The following SFMBT2 variants were observed in gnomAD, a reference collection of about 807,000 sequenced individuals.
SFMBT2 encodes Scm like with four mbt domains 2.
In SFMBT2, 38 loss-of-function variants were observed where a neutral mutation model predicts 110.1. The ratio of observed to expected loss-of-function variants is 0.35; its 90% CI spans 0.27 to 0.45. SFMBT2 has a LOEUF of 0.45. Among genes scored for constraint, SFMBT2 ranks in the 20% least tolerant of loss-of-function variants. The pLI is 1.00. For synonymous variants in SFMBT2, 425 were observed against 425.4 expected (o/e 1.00, Z 0.01); for missense variants, 1,011 against 1,094.9 (o/e 0.92, Z 1.08).
At chr10:7,174,222 G>A (rs1837978811) in intron 17 of SFMBT2, among the ~76,000 whole-genome samples, 1 of 152,224 alleles carries the variant, frequency 6.6e-6, no homozygotes. Flanking sequence ...TCAGTGAGCA[G>A]GAATAAACTG....
At chr10:7,261,636 T>C (rs1415121875) in intron 7 of SFMBT2, among the ~76,000 whole-genome samples, 2 of 152,230 alleles carry the variant, frequency 1.3e-5, no homozygotes, top group Non-Finnish European at 2.9e-5. Flanking sequence ...CTAGAGACTT[T>C]GCAGGTCACC....
intron 4 of SFMBT2, among the ~76,000 whole-genome samples, chr10:7,331,629 G>A (rs1044747598): frequency 1.3e-5 from 2 of 151,936 alleles, no homozygotes; most frequent in Admixed American, 6.6e-5. Context: ...CTCTTCCTGC[G>A]CCCCCAACAC....
intron 4 of SFMBT2, among the ~76,000 whole-genome samples, chr10:7,317,086 G>C (rs1393187854): frequency 1.3e-5 from 2 of 152,062 alleles, no homozygotes; most frequent in Non-Finnish European, 2.9e-5. Flanking sequence ...AGTCTTTGCA[G>C]GGCTTGGAAA....
chr10:7,354,336 C>A (rs1844427850), intron 4 of SFMBT2, among the ~76,000 whole-genome samples: 1 of 152,060 alleles, frequency 6.6e-6, no homozygotes, highest in African/African-American at 2.4e-5. Context: ...TAGTCTTGAT[C>A]AAAATAACAC....
chr10:7,187,393 T>C (rs1471353297), intron 16 of SFMBT2, among the ~76,000 whole-genome samples: 6 of 152,202 alleles, frequency 3.9e-5, no homozygotes, highest in East Asian at 1.9e-4. Context: ...TAGAAAAACA[T>C]GTTTTTCTCT....
intron 16 of SFMBT2, among the ~76,000 whole-genome samples, chr10:7,179,304 G>A (rs1222163799): frequency 7.1e-6 from 1 of 140,734 alleles, no homozygotes; most frequent in Admixed American, 7.7e-5. Context: ...GACCCTATGT[G>A]TAGAGACTTC....
At chr10:7,280,708 C>G (rs1003751422) in intron 6 of SFMBT2, among the ~76,000 whole-genome samples, 15 of 152,168 alleles carry the variant, frequency 9.9e-5, no homozygotes. Flanking sequence ...ATATCCTTAT[C>G]CCCATGGTAC....
intron 10 of SFMBT2, among the ~76,000 whole-genome samples, chr10:7,227,280 TAC>T (rs1243470295): frequency 2.0e-5 from 3 of 152,216 alleles, no homozygotes; most frequent in Non-Finnish European, 4.4e-5. Context: ...GATAAGATGC[TAC>T]ACAGCAAGTG....
In SFMBT2 at chr10:7,188,750, T is replaced by C; in HGVS notation, c.1699-17A>G. The C allele has an allele frequency of 6.3e-7, 1 of 1,594,990 alleles. No individual in the cohort carries two copies. The highest frequency in any genetic ancestry group is 8.6e-7 in the Non-Finnish European group (1 of 1,165,296). ...GCTAAGAACCTTTTGGGGAAAAAAA[T>C]AAGCAGACTGAGCTGCAATTGCATT... On this transcript the variant is annotated splice_polypyrimidine_tract_variant and intron_variant, in intron 15 of 20. Coordinates refer to ENST00000397167, the MANE Select transcript of SFMBT2 (RefSeq NM_001387889.1).
chr10:7,257,724 A>C (rs1450533674), intron 7 of SFMBT2, among the ~76,000 whole-genome samples: 1 of 152,162 alleles, frequency 6.6e-6, no homozygotes, highest in Non-Finnish European at 1.5e-5. Flanking sequence ...TTAAAATGTC[A>C]CTATGTGGCT....
chr10:7,210,330 T>G (rs1245094985), intron 11 of SFMBT2, among the ~76,000 whole-genome samples: 3 of 152,138 alleles, frequency 2.0e-5, no homozygotes. Flanking sequence ...CCTAAAATTA[T>G]GTAATTACTT....
chr10:7,187,084 A>G (rs1407276487), intron 16 of SFMBT2, among the ~76,000 whole-genome samples: 1 of 152,224 alleles, frequency 6.6e-6, no homozygotes, highest in Non-Finnish European at 1.5e-5. Context: ...GTAACATGAA[A>G]ACTAGTGCAA....
At position 7,359,378 on chromosome 10, in the gene SFMBT2, G is replaced by A. The variant is rs1844640461; in HGVS notation, c.436+8271C>T. ...GCACCAAGGGAGGGAGAGGCCAGAT[G>A]AGTTGGAGGCTCTGACAATTATGGA... is the stretch of plus-strand genomic sequence containing the variant. On this transcript the variant is annotated intron_variant, in intron 4 of 20. Coordinates refer to ENST00000397167, the MANE Select transcript of SFMBT2 (RefSeq NM_001387889.1). 3.3e-5 allele frequency among the ~76,000 whole-genome samples: 5 copies of A among 152,236 alleles called. No homozygotes were observed. The South Asian group carries it at 6.2e-4, about 19-fold the overall frequency.
chr10:7,281,387 C>CCCCT (rs1841944905), intron 6 of SFMBT2, among the ~76,000 whole-genome samples: 1 of 152,076 alleles, frequency 6.6e-6, no homozygotes, highest in Admixed American at 6.6e-5. Context: ...CCTGCACACC[C>CCCCT]CCCTCCCACT....
chr10:7,190,263 AACTC>A (rs1171049367), intron 15 of SFMBT2, among the ~76,000 whole-genome samples: 1 of 152,234 alleles, frequency 6.6e-6, no homozygotes, highest in African/African-American at 2.4e-5. Context: ...AATTTACAGA[AACTC>A]AGTTTAAAAA....
At chr10:7,209,690 A>G (rs186454524) in intron 11 of SFMBT2, among the ~76,000 whole-genome samples, 1 of 152,388 alleles carries the variant, frequency 6.6e-6, no homozygotes, top group East Asian at 1.9e-4. Flanking sequence ...TCATATGTGC[A>G]TAAAATAAAT....
chr10:7,243,227 G>A (rs1840491023), intron 9 of SFMBT2, among the ~76,000 whole-genome samples: 1 of 152,190 alleles, frequency 6.6e-6, no homozygotes, highest in Non-Finnish European at 1.5e-5. Context: ...CATTTGTAAA[G>A]CCACTTCTCA....
chr10:7,345,712 T>G (rs185336693), intron 4 of SFMBT2, among the ~76,000 whole-genome samples: 109 of 152,254 alleles, frequency 7.2e-4, no homozygotes, highest in Non-Finnish European at 1.3e-3. Flanking sequence ...TACAGAAGAG[T>G]TGGAGTATCA....
intron 1 of SFMBT2, among the ~76,000 whole-genome samples, chr10:7,396,725 G>C (rs1845935659): frequency 6.6e-6 from 1 of 151,770 alleles, no homozygotes. Context: ...TCATAAAAAA[G>C]GATGAGTTCA....
Sources: gnomAD v4.1 joint callset for allele counts (sites outside exome capture counted in the v4.1 genomes callset) on GRCh38, gnomAD v4.1.1 for gene constraint, MANE v1.5 for transcripts, NCBI Gene and HGNC (gene_info 2026-07-23, HGNC 2026-07-21) for gene names.